The following CYFIP2 variants were observed in gnomAD, a reference collection of about 807,000 sequenced individuals.
CYFIP2 encodes cytoplasmic FMR1 interacting protein 2, also known as cytoplasmic FMR1-interacting protein 2.
CYFIP2 carries 29 observed loss-of-function variants against 158.7 expected under a neutral mutation model. The observed-to-expected ratio is 0.18, with a 90% CI of 0.14 to 0.25. The LOEUF is 0.25. Among genes scored for constraint, CYFIP2 ranks in the 10% least tolerant of loss-of-function variants. The probability of loss-of-function intolerance (pLI) is 1.00; values close to 1 mark genes in which losing one functional copy is unlikely to be tolerated. For synonymous variants in CYFIP2, 585 were observed against 617.6 expected, an observed-to-expected ratio of 0.95 and a Z score of 0.78; for missense variants, 852 against 1,639.5, an observed-to-expected ratio of 0.52 and a Z score of 8.29.
intron 26 of CYFIP2, among the ~76,000 whole-genome samples, chr5:157,371,719 A>G (rs1463406808): frequency 6.6e-6 from 1 of 152,234 alleles, no homozygotes; most frequent in Non-Finnish European, 1.5e-5. Context: ...ATTAACTATA[A>G]TATGAAAAGA....
chr5:157,319,835 A>G lies in CYFIP2; in HGVS notation c.1430A>G (p.Asn477Ser). The change falls in exon 14 of 31, where the codon AAC (asparagine) becomes AGC (serine). Residue 477 changes from asparagine (N) to serine (S), a missense_variant. Asn to Ser is a conservative substitution (Grantham distance 46). Transcript: ENST00000620254. ...AGCGTCTTCAACCAGGCCATCAGGA[A>G]CACCATCTACGCGGCATTGCAGGAC... is the stretch of plus-strand genomic sequence containing the variant. The part of the protein sequence containing the change: ...MESVFNQAIR[N>S]TIYAALQDFA... The G allele has an allele frequency of 6.2e-7, 1 of 1,614,100 alleles. No individual in the cohort carries two copies. The highest frequency in any genetic ancestry group is 8.5e-7 in the Non-Finnish European group (1 of 1,179,932).
intron 23 of CYFIP2, chr5:157,343,001 G>A (rs1330773693): frequency 3.1e-6 from 5 of 1,614,200 alleles, no homozygotes; most frequent in Admixed American, 1.7e-5. Context: ...TTCCACCAGG[G>A]GGAGCCCCTG....
chr5:157,391,521 T>C (rs1334842877), intron 30 of CYFIP2, among the ~76,000 whole-genome samples: 1 of 152,216 alleles, frequency 6.6e-6, no homozygotes, highest in Non-Finnish European at 1.5e-5. Flanking sequence ...GTACCTCATA[T>C]AAATAGAATC....
intron 26 of CYFIP2, among the ~76,000 whole-genome samples, chr5:157,372,687 T>C (rs998023770): frequency 2.6e-5 from 4 of 152,118 alleles, no homozygotes; most frequent in African/African-American, 7.2e-5. Flanking sequence ...GCATCGAACT[T>C]GGCTGTGACT....
Position 157,389,362 on chromosome 5 carries a change from C to T in CYFIP2, c.3381C>T (p.His1127=). Residue 1127 remains histidine, a synonymous_variant, in exon 29 of 31, where the codon CAC becomes CAT. Coordinates refer to ENST00000620254, the MANE Select transcript of CYFIP2 (RefSeq NM_001037333.3). ...ACGTCGATGAGTGTGTGGAGTTCCA[C>T]CGGCTGTGGAGCGCCATGCAGTTCG... ...VMHVDECVEF[H]RLWSAMQFVY... The T allele has an allele frequency of 6.2e-7, 1 of 1,613,652 alleles. No individual in the cohort carries two copies. Among genetic ancestry groups the T allele is most frequent in the Non-Finnish European group, 8.5e-7 (1 of 1,179,682 alleles).
At chr5:157,392,314 T>C (rs879156047) in intron 30 of CYFIP2, among the ~76,000 whole-genome samples, 4 of 152,222 alleles carry the variant, frequency 2.6e-5, no homozygotes, top group African/African-American at 4.8e-5. Context: ...TCCAACATCA[T>C]GAAAATTTTT....
chr5:157,347,663 A>G (rs1374167341), intron 23 of CYFIP2, among the ~76,000 whole-genome samples: 3 of 152,234 alleles, frequency 2.0e-5, no homozygotes, highest in Non-Finnish European at 4.4e-5. Context: ...CTGAGGAGGA[A>G]CAAGGTAGAA....
intron 15 of CYFIP2, among the ~76,000 whole-genome samples, chr5:157,322,703 C>T (rs1221064391): frequency 1.3e-5 from 2 of 152,342 alleles, no homozygotes; most frequent in Middle Eastern, 3.4e-3. Flanking sequence ...CTGCTCTACC[C>T]GCATCAGTGC....
chr5:157,378,116 G>A (rs937640987), intron 26 of CYFIP2, among the ~76,000 whole-genome samples: 2 of 152,160 alleles, frequency 1.3e-5, no homozygotes, highest in Admixed American at 6.5e-5. Context: ...GGGGTAAGAG[G>A]GTCAGGGAAG....
In CYFIP2 at chr5:157,393,773, CCTT is replaced by C. The variant is rs1254682133; in HGVS notation, c.*775_*777del. ...TTGATGGTGAGATGGTTCCCTTATT[CCTT>C]CAGGAAAGGCTTAGCATTGGGCCAC... On this transcript the variant is annotated 3_prime_UTR_variant, in exon 31 of 31. Coordinates refer to ENST00000620254, the MANE Select transcript of CYFIP2 (RefSeq NM_001037333.3). The C allele has an allele frequency of 6.6e-6, 1 of 152,216 alleles. No homozygotes were observed. The highest frequency in any genetic ancestry group is 1.5e-5 in the Non-Finnish European group (1 of 68,082). 9.4% of individuals were successfully genotyped at this position (152,216 alleles called of 1,614,324 possible). A position where few individuals can be genotyped will look rare whatever the true frequency, so the allele number is the denominator to read the frequency against.
chr5:157,336,617 T>G (rs1397685908), intron 21 of CYFIP2, among the ~76,000 whole-genome samples: 1 of 152,238 alleles, frequency 6.6e-6, no homozygotes, highest in Non-Finnish European at 1.5e-5. Flanking sequence ...TGAATGTGGT[T>G]AACAATCAGG....
chr5:157,277,220 G>A (rs1212720836), intron 1 of CYFIP2: 2 of 152,092 alleles, frequency 1.3e-5, no homozygotes, highest in Non-Finnish European at 2.9e-5. Flanking sequence ...TATTAGGGAT[G>A]AGGTTTCACC....
intron 6 of CYFIP2, among the ~76,000 whole-genome samples, chr5:157,301,861 CTG>C (rs1452785303): frequency 6.6e-6 from 1 of 152,064 alleles, no homozygotes; most frequent in African/African-American, 2.4e-5. Context: ...GAAGGATTTG[CTG>C]TGTCTCTGAT....
chr5:157,340,925 A>T, intron 22 of CYFIP2, 145 bp from the exon 23 acceptor site: 1 of 694,802 alleles, frequency 1.4e-6, no homozygotes, highest in Non-Finnish European at 2.5e-6. Flanking sequence ...AGAGTTTAGT[A>T]CCTTTATAGT....
intron 23 of CYFIP2, among the ~76,000 whole-genome samples, chr5:157,355,321 C>T (rs958386088): frequency 1.1e-4 from 17 of 152,250 alleles, no homozygotes; most frequent in African/African-American, 4.1e-4. Flanking sequence ...GAAATTCGAC[C>T]AGAAAGCTGT....
intron 9 of CYFIP2, among the ~76,000 whole-genome samples, chr5:157,308,498 T>A (rs1055137561): frequency 6.6e-6 from 1 of 152,216 alleles, no homozygotes; most frequent in Admixed American, 6.5e-5. Context: ...AATCTTACAC[T>A]TTGGAATTAA....
At chr5:157,308,498 T>G (rs1055137561) in intron 9 of CYFIP2, among the ~76,000 whole-genome samples, 5 of 152,216 alleles carry the variant, frequency 3.3e-5, no homozygotes, top group Admixed American at 3.3e-4. Flanking sequence ...AATCTTACAC[T>G]TTGGAATTAA....
chr5:157,359,433 C>T (rs1233587602), intron 24 of CYFIP2, among the ~76,000 whole-genome samples: 2 of 152,196 alleles, frequency 1.3e-5, no homozygotes, highest in African/African-American at 4.8e-5. Flanking sequence ...TATTGTCCTT[C>T]AGCGCTTGCC....
intron 3 of CYFIP2, among the ~76,000 whole-genome samples, chr5:157,292,227 T>A (rs1284083685): frequency 1.3e-5 from 2 of 152,094 alleles, no homozygotes; most frequent in Non-Finnish European, 2.9e-5. Flanking sequence ...TTTATTTTTT[T>A]ATTTTTTTTG....
Sources: allele counts gnomAD v4.1 joint callset (sites outside exome capture counted in the v4.1 genomes callset), GRCh38; gene constraint gnomAD v4.1.1; transcripts MANE v1.5; gene names NCBI Gene and HGNC (gene_info 2026-07-23, HGNC 2026-07-21).